Variants in CES5A observed in about 807,000 individuals in gnomAD.
The protein encoded by CES5A is carboxylesterase 5.
A neutral mutation model predicts 62.9 loss-of-function variants in CES5A; 67 were observed. The ratio of observed to expected loss-of-function variants is 1.07; its 90% CI spans 0.88 to 1.31. The LOEUF (loss-of-function observed/expected upper bound fraction) is 1.31, where lower values mean the gene tolerates loss of function less well. Ranked by LOEUF, CES5A falls within the 50% of genes most tolerant of loss-of-function variation. CES5A has a pLI of 0.00. For synonymous variants in CES5A, 296 were observed against 280.8 expected (o/e 1.05, Z -0.54); for missense variants, 748 against 708.5 (o/e 1.06, Z -0.63).
intron 8 of CES5A, 81 bp from the exon 9 acceptor site, chr16:55,856,526 C>G (rs1290518784): frequency 7.5e-7 from 1 of 1,339,638 alleles, no homozygotes; most frequent in Non-Finnish European, 1.1e-6. Flanking sequence ...GGGCAGCTGA[C>G]TTTCACAGGG....
chr16:55,859,992 C>A (rs2033320288), intron 7 of CES5A, among the ~76,000 whole-genome samples: 1 of 152,148 alleles, frequency 6.6e-6, no homozygotes, highest in African/African-American at 2.4e-5. Flanking sequence ...TGTCCCCACC[C>A]AAATCTCAAA....
At position 55,955,949 on chromosome 16, in the gene CES5A, A is replaced by C. The variant is rs2034606024; in HGVS notation, c.-64T>G. The stretch of plus-strand genomic sequence containing the variant: ...CCAGCTGGCCTTGACACAGAGCCCC[A>C]GTCCTCTTGCACATCATGTACATGG... On this transcript the variant is annotated 5_prime_UTR_variant, in exon 1 of 14. Transcript: ENST00000521992. The C allele has an allele frequency of 2.0e-6, 3 of 1,491,244 alleles. No homozygotes were observed. In the Admixed American group the frequency reaches 5.9e-5, roughly 29 times the overall value. 92.4% of individuals were successfully genotyped at this position (1,491,244 alleles called of 1,614,324 possible).
At chr16:55,942,807 G>T (rs1428880015) in intron 2 of CES5A, among the ~76,000 whole-genome samples, 1 of 152,198 alleles carries the variant, frequency 6.6e-6, no homozygotes, top group Non-Finnish European at 1.5e-5. Flanking sequence ...TAAACAAATA[G>T]TGGTATGTCC....
intron 9 of CES5A, among the ~76,000 whole-genome samples, chr16:55,854,538 T>TCTTTC (rs1567324458): frequency 5.0e-5 from 4 of 80,804 alleles, no homozygotes; most frequent in Non-Finnish European, 7.7e-5. Context: ...TTTCTTTTTT[T>TCTTTC]TTTTTCTTTT....
chr16:55,847,657 T>C (rs926445198), intron 11 of CES5A, among the ~76,000 whole-genome samples: 28 of 152,302 alleles, frequency 1.8e-4, no homozygotes, highest in African/African-American at 5.8e-4. Flanking sequence ...TTGCTCTTTT[T>C]ATTAAAATTG....
intron 5 of CES5A, 112 bp from the exon 6 acceptor site, chr16:55,863,564 T>G: frequency 1.5e-6 from 1 of 673,538 alleles, no homozygotes; most frequent in Non-Finnish European, 2.7e-6. Flanking sequence ...GCTCTAAGCT[T>G]AGAGGGGAAA....
chr16:55,953,596 G>T (rs1399439721), intron 1 of CES5A, among the ~76,000 whole-genome samples: 3 of 152,152 alleles, frequency 2.0e-5, no homozygotes, highest in Non-Finnish European at 4.4e-5. Flanking sequence ...CATAAGAAAT[G>T]TCAGCAGAAG....
At chr16:55,947,703 G>A (rs2034511668) in intron 2 of CES5A, among the ~76,000 whole-genome samples, 1 of 152,106 alleles carries the variant, frequency 6.6e-6, no homozygotes, top group Non-Finnish European at 1.5e-5. Context: ...CATTTGAAAT[G>A]GAAGTTGAAG....
chr16:55,867,969 C>A (rs1353194665), intron 4 of CES5A, among the ~76,000 whole-genome samples: 1 of 152,140 alleles, frequency 6.6e-6, no homozygotes, highest in Non-Finnish European at 1.5e-5. Flanking sequence ...AGCTGGGCAC[C>A]CCTGGCTCAG....
chr16:55,950,918 C>T (rs150006807), intron 1 of CES5A, among the ~76,000 whole-genome samples: 2,882 of 151,620 alleles, frequency 0.019, 32 homozygotes, highest in Middle Eastern at 0.051. Flanking sequence ...CTGGCTAACA[C>T]GGTAAAACCC....
At chr16:55,928,070 C>A (rs144292093), upstream of CES5A, among the ~76,000 whole-genome samples, 1 of 152,032 alleles carries the variant, frequency 6.6e-6, no homozygotes, top group Non-Finnish European at 1.5e-5. Flanking sequence ...GGTGAAACCC[C>A]GTCTCTACTA....
At chr16:55,882,770 T>A (rs2033774998) in intron 1 of CES5A, among the ~76,000 whole-genome samples, 1 of 152,202 alleles carries the variant, frequency 6.6e-6, no homozygotes, top group Admixed American at 6.5e-5. Context: ...CCCATGGGAT[T>A]CCTAAAACCT....
At chr16:55,871,466 A>C (rs1276163756) in intron 3 of CES5A, among the ~76,000 whole-genome samples, 159 bp downstream of exon 3, 1 of 152,228 alleles carries the variant, frequency 6.6e-6, no homozygotes, top group African/African-American at 2.4e-5. Context: ...GATCATGTGA[A>C]TCTATCATTC....
intron 2 of CES5A, among the ~76,000 whole-genome samples, chr16:55,943,309 A>T (rs75759974): frequency 0.011 from 1,695 of 152,340 alleles, 16 homozygotes; most frequent in Non-Finnish European, 0.016. Flanking sequence ...TGTACGAATG[A>T]GTAAACTGCG....
intron 1 of CES5A, among the ~76,000 whole-genome samples, chr16:55,896,485 C>T (rs1368812091): frequency 6.6e-6 from 1 of 152,202 alleles, no homozygotes; most frequent in African/African-American, 2.4e-5. Context: ...AATCTTGAAC[C>T]TTCAAGCCAG....
chr16:55,918,806 C>G (rs1036375144), intron 1 of CES5A, among the ~76,000 whole-genome samples: 1 of 152,306 alleles, frequency 6.6e-6, no homozygotes, highest in East Asian at 1.9e-4. Flanking sequence ...CTTAGCCTCT[C>G]AATCTCAAGG....
chr16:55,949,125 T>C (rs2142486220), intron 2 of CES5A, among the ~76,000 whole-genome samples: 1 of 152,322 alleles, frequency 6.6e-6, no homozygotes, highest in East Asian at 1.9e-4. Context: ...AAATGCTCAA[T>C]CATAGGTTGG....
At chr16:55,888,343 C>T (rs1272747490) in intron 1 of CES5A, among the ~76,000 whole-genome samples, 1 of 152,176 alleles carries the variant, frequency 6.6e-6, no homozygotes, top group African/African-American at 2.4e-5. Context: ...GTCTACCTGG[C>T]CCATGCACAA....
intron 1 of CES5A, among the ~76,000 whole-genome samples, chr16:55,920,303 T>C (rs568587927): frequency 1.3e-5 from 2 of 152,308 alleles, no homozygotes; most frequent in East Asian, 3.9e-4. Flanking sequence ...TTCTCCACCA[T>C]CTTGGGTTCT....
Sources: gnomAD v4.1 joint callset for allele counts (sites outside exome capture counted in the v4.1 genomes callset) on GRCh38, gnomAD v4.1.1 for gene constraint, MANE v1.5 for transcripts, NCBI Gene and HGNC (gene_info 2026-07-23, HGNC 2026-07-21) for gene names.